Variants in HMMR observed in about 807,000 individuals in gnomAD.
HMMR encodes the protein hyaluronan mediated motility receptor.
HMMR carries 108 observed loss-of-function variants against 101.0 expected under a neutral mutation model. The ratio of observed to expected loss-of-function variants is 1.07; its 90% CI spans 0.92 to 1.25. The LOEUF is 1.25. Among genes scored for constraint, HMMR ranks in the 50% most tolerant of loss-of-function variants. The pLI is 0.00. For synonymous variants in HMMR, 296 were observed against 276.4 expected, an observed-to-expected ratio of 1.07 and a Z score of -0.70; for missense variants, 813 against 788.7, an observed-to-expected ratio of 1.03 and a Z score of -0.37.
At chr5:163,461,608 C>T (rs1758535878) in intron 1 of HMMR, among the ~76,000 whole-genome samples, 1 of 151,922 alleles carries the variant, frequency 6.6e-6, no homozygotes, top group South Asian at 2.1e-4. Context: ...CCGTGAAACC[C>T]CGTCTGTACT....
intron 11 of HMMR, among the ~76,000 whole-genome samples, chr5:163,476,553 A>G (rs1301981371): frequency 6.6e-6 from 1 of 152,130 alleles, no homozygotes; most frequent in East Asian, 1.9e-4. Flanking sequence ...GAGGATCTTT[A>G]GAGCCCAGGA....
In HMMR at chr5:163,469,762, C is replaced by A; in HGVS notation, c.395C>A (p.Ala132Glu). The change falls in exon 5 of 18, where the codon GCA (alanine) becomes GAA (glutamate). Residue 132 changes from alanine (A) to glutamate (E), a missense_variant. Transcript: ENST00000393915. ...CTAAGGGAAAAAACATCTCTCTCTG[C>A]AAATAATGCTACACTGGAAAAACAA... The part of the protein sequence containing the change: ...AALREKTSLS[A>E]NNATLEKQLI... The A allele has an allele frequency of 6.2e-7, 1 of 1,612,294 alleles. No individual in the cohort carries two copies. The highest frequency in any genetic ancestry group is 8.5e-7 in the Non-Finnish European group (1 of 1,178,362).
chr5:163,470,156 C>T (rs992943256), intron 5 of HMMR, among the ~76,000 whole-genome samples: 15 of 151,982 alleles, frequency 9.9e-5, no homozygotes, highest in Admixed American at 1.3e-4. Context: ...CAAGAGAGTG[C>T]GACTCCATCT....
intron 16 of HMMR, among the ~76,000 whole-genome samples, chr5:163,487,330 G>GT (rs1187963357): frequency 1.3e-5 from 2 of 150,748 alleles, no homozygotes; most frequent in Admixed American, 6.6e-5. Context: ...TTGCTGAGGG[G>GT]TTTTTTTCAG....
At position 163,475,532 on chromosome 5, in the gene HMMR, G is replaced by C. The variant is rs145430537; in HGVS notation, c.1128G>C (p.Glu376Asp). Reference sequence around the variant, plus strand: ...TGGTTAAAGAGAAGAATCTGTTTGAGGAAGAATTAAAGCAAACACTGGATG... The same window carrying C: ...TGGTTAAAGAGAAGAATCTGTTTGACGAAGAATTAAAGCAAACACTGGATG... ...EEMVKEKNLF[E>D]EELKQTLDEL... Residue 376 changes from glutamate to aspartate, a missense_variant, in exon 11 of 18, where the codon GAG (glutamate) becomes GAC (aspartate). By Grantham distance (45) the Glu-to-Asp change is conservative (BLOSUM62 2). Transcript: ENST00000393915. 1.6e-5 allele frequency: 25 copies of C among 1,608,672 alleles called. No homozygotes were observed. The highest frequency in any genetic ancestry group is 2.1e-5 in the Non-Finnish European group (25 of 1,175,870).
intron 5 of HMMR, among the ~76,000 whole-genome samples, chr5:163,470,079 A>G (rs549727411): frequency 5.9e-5 from 9 of 152,240 alleles, no homozygotes; most frequent in Admixed American, 5.9e-4. Context: ...GAGGCAGAAG[A>G]ATCACTTGAA....
chr5:163,488,416 G>T (rs1363059606), intron 16 of HMMR, among the ~76,000 whole-genome samples: 1 of 152,068 alleles, frequency 6.6e-6, no homozygotes, highest in East Asian at 1.9e-4. Context: ...GGCATGCCTT[G>T]TAATTTTTCA....
chr5:163,469,910 G>A (rs1028373414), intron 5 of HMMR, 81 bp downstream of exon 5: 1 of 954,622 alleles, frequency 1.0e-6, no homozygotes, highest in African/African-American at 1.7e-5. Flanking sequence ...GCTCACGCCT[G>A]TGTTCCCAGC....
At chr5:163,470,724 C>T (rs1230215461) in intron 5 of HMMR, among the ~76,000 whole-genome samples, 1 of 152,166 alleles carries the variant, frequency 6.6e-6, no homozygotes, top group Non-Finnish European at 1.5e-5. Flanking sequence ...TACAGTGGCT[C>T]ATGCCTGTAT....
chr5:163,476,802 G>A (rs987002691), intron 11 of HMMR, among the ~76,000 whole-genome samples: 9 of 152,318 alleles, frequency 5.9e-5, no homozygotes, highest in Admixed American at 5.2e-4. Context: ...AGCCAAGGCA[G>A]CGAGATCACA....
chr5:163,482,920 C>A, intron 13 of HMMR, 100 bp from the exon 14 acceptor site: 1 of 1,334,522 alleles, frequency 7.5e-7, no homozygotes, highest in Non-Finnish European at 1.0e-6. Flanking sequence ...TAAAAAATGA[C>A]ACTTCTTGAA....
In HMMR at chr5:163,471,168, G is replaced by A. The variant is rs368303996; in HGVS notation, c.463-17G>A. The A allele has an allele frequency of 3.4e-6, 5 of 1,459,562 alleles. No homozygotes were observed. Among genetic ancestry groups the A allele is most frequent in the South Asian group, 2.3e-5 (2 of 86,412 alleles). 90.4% of individuals were successfully genotyped at this position (1,459,562 alleles called of 1,614,324 possible). A position where few individuals can be genotyped will look rare whatever the true frequency, so the allele number is the denominator to read the frequency against. On this transcript the variant is annotated splice_polypyrimidine_tract_variant and intron_variant, in intron 5 of 17. Coordinates refer to ENST00000393915, the MANE Select transcript of HMMR (RefSeq NM_001142556.2). ...CAGAAAATATTTCTGAATTTTTTAC[G>A]TGTTTGTTGTATTTAGTTTTCTGAA...
intron 12 of HMMR, among the ~76,000 whole-genome samples, chr5:163,479,979 A>G (rs192333611): frequency 2.0e-3 from 298 of 152,342 alleles, no homozygotes; most frequent in African/African-American, 6.7e-3. Flanking sequence ...TATCACATTT[A>G]CTTTAGCTCA....
rs757139263 is a variant in HMMR, at chr5:163,491,194, C to T, written c.*30C>T. The T allele has an allele frequency of 1.5e-6, 2 of 1,292,628 alleles. No individual in the cohort carries two copies. The highest frequency in any genetic ancestry group is 2.2e-6 in the Non-Finnish European group (2 of 916,118). The allele number at this position is 1,292,628 out of a possible 1,614,324, so 80.1% of individuals were successfully genotyped here. On this transcript the variant is annotated 3_prime_UTR_variant, in exon 18 of 18. Transcript: ENST00000393915. Reference sequence around the variant, plus strand: ...CTGAGAAACCTGTTGAAGATTATTTCATTCGTCTTGTTGTTATTGATGTTG... The same window carrying T: ...CTGAGAAACCTGTTGAAGATTATTTTATTCGTCTTGTTGTTATTGATGTTG...
chr5:163,462,643 A>G (rs1299582915), intron 1 of HMMR, among the ~76,000 whole-genome samples: 3 of 152,124 alleles, frequency 2.0e-5, no homozygotes, highest in Non-Finnish European at 2.9e-5. Flanking sequence ...CCTGGCCAAC[A>G]TGGTGAAACC....
chr5:163,473,496 T>C lies in HMMR; in HGVS notation c.843T>C (p.Val281=). 1 of 1,595,258 alleles carries C rather than the reference T, an allele frequency of 6.3e-7. No homozygotes were observed. Among genetic ancestry groups the C allele is most frequent in the Non-Finnish European group, 8.6e-7 (1 of 1,167,576 alleles). The change falls in exon 9 of 18, where the codon GTT becomes GTC. Residue 281 remains valine (V), a synonymous_variant. Transcript: ENST00000393915. ...SLKQSLEENI[V]ILSKQVEDLN... ...AGCAGTCTCTTGAGGAGAATATTGT[T>C]ATATTATCTAAACAAGTAGAAGATC... is the stretch of plus-strand genomic sequence containing the variant.
intron 4 of HMMR, among the ~76,000 whole-genome samples, chr5:163,468,036 A>G (rs1334750328): frequency 6.6e-6 from 1 of 152,264 alleles, no homozygotes; most frequent in Non-Finnish European, 1.5e-5. Flanking sequence ...TGTGGATCAA[A>G]TATTTATATC....
chr5:163,479,997 GGA>G (rs1561643661), intron 12 of HMMR, among the ~76,000 whole-genome samples: 1 of 151,988 alleles, frequency 6.6e-6, no homozygotes, highest in African/African-American at 2.4e-5. Context: ...TCATTTTGGG[GGA>G]GAGTTTCCTT....
chr5:163,485,667 G>A (rs144884088), intron 16 of HMMR, among the ~76,000 whole-genome samples: 16 of 152,166 alleles, frequency 1.1e-4, no homozygotes, highest in East Asian at 5.8e-4. Context: ...CTTTTATGAC[G>A]TCCAGTGTGT....
Sources: allele counts gnomAD v4.1 joint callset (sites outside exome capture counted in the v4.1 genomes callset), GRCh38; gene constraint gnomAD v4.1.1; transcripts MANE v1.5; gene names NCBI Gene and HGNC (gene_info 2026-07-23, HGNC 2026-07-21).